The following STAG1 variants were observed in gnomAD, a reference collection of about 807,000 sequenced individuals.
STAG1 encodes STAG1 cohesin complex component, also known as cohesin subunit SA-1.
Under a neutral mutation model 170.9 loss-of-function variants are expected in STAG1, and 26 were observed. The observed-to-expected ratio is 0.15, with a 90% CI of 0.11 to 0.21. The LOEUF is 0.21. STAG1 is among the 10% of genes least tolerant of loss of function. The probability of loss-of-function intolerance (pLI) is 1.00; values close to 1 mark genes in which losing one functional copy is unlikely to be tolerated. For missense variants in STAG1, 964 were observed against 1,509.5 expected, an observed-to-expected ratio of 0.64 and a Z score of 5.99; for synonymous variants, 514 against 497.7, an observed-to-expected ratio of 1.03 and a Z score of -0.44.
chr3:136,381,346 A>G (rs1398321901), intron 22 of STAG1, among the ~76,000 whole-genome samples: 1 of 152,238 alleles, frequency 6.6e-6, no homozygotes, highest in Non-Finnish European at 1.5e-5. Flanking sequence ...AAGAAATCTA[A>G]GAAATTATTT....
chr3:136,491,239 T>C (rs1360695719), intron 9 of STAG1, among the ~76,000 whole-genome samples: 1 of 152,140 alleles, frequency 6.6e-6, no homozygotes, highest in Non-Finnish European at 1.5e-5. Context: ...CATCTCATCC[T>C]CCTGTGTAGC....
intron 6 of STAG1, among the ~76,000 whole-genome samples, chr3:136,528,653 C>A (rs754789381): frequency 4.0e-4 from 61 of 151,968 alleles, no homozygotes; most frequent in Non-Finnish European, 7.1e-4. Flanking sequence ...AAATAGATAT[C>A]ATTAAAAGGA....
At chr3:136,524,860 T>C (rs1485847169) in intron 6 of STAG1, among the ~76,000 whole-genome samples, 1 of 152,148 alleles carries the variant, frequency 6.6e-6, no homozygotes, top group East Asian at 1.9e-4. Context: ...AATCATGTGG[T>C]TTTTGTCTTT....
In STAG1 at chr3:136,422,440, G is replaced by C. The variant is rs2087986554; in HGVS notation, c.2007C>G (p.Phe669Leu). The C allele has an allele frequency of 6.2e-7, 1 of 1,613,970 alleles. No individual in the cohort carries two copies. The highest frequency in any genetic ancestry group is 8.5e-7 in the Non-Finnish European group (1 of 1,179,968). ...GCAATAGGTCTTCCACAGAATGATT[G>C]AATCGATCTACAAACTCATCAATCA... The part of the protein sequence containing the change: ...SQLIDEFVDR[F>L]NHSVEDLLQE... The change falls in exon 19 of 34, where the codon TTC (phenylalanine) becomes TTG (leucine). Residue 669 changes from phenylalanine (F) to leucine (L), a missense_variant. Coordinates refer to ENST00000383202, the MANE Select transcript of STAG1 (RefSeq NM_005862.3).
At chr3:136,709,493 G>C (rs1331276550) in intron 1 of STAG1, among the ~76,000 whole-genome samples, 1 of 151,954 alleles carries the variant, frequency 6.6e-6, no homozygotes, top group Admixed American at 6.6e-5. Flanking sequence ...ACAGCAATTT[G>C]GGAGGTCGAG....
chr3:136,642,958 CA>C (rs1940859618), intron 1 of STAG1, among the ~76,000 whole-genome samples: 1 of 152,166 alleles, frequency 6.6e-6, no homozygotes, highest in African/African-American at 2.4e-5. Context: ...GCCTCTGTGT[CA>C]TCACACTGTA....
At chr3:136,394,938 C>CAAAAAAAA (rs778204800) in intron 22 of STAG1, among the ~76,000 whole-genome samples, 3 of 59,318 alleles carry the variant, frequency 5.1e-5, no homozygotes, top group Non-Finnish European at 7.4e-5. Flanking sequence ...GACTCTGTCT[C>CAAAAAAAA]AAAAAAAAAA....
intron 1 of STAG1, among the ~76,000 whole-genome samples, chr3:136,657,813 T>A (rs1382308039): frequency 6.6e-6 from 1 of 152,036 alleles, no homozygotes; most frequent in Non-Finnish European, 1.5e-5. Context: ...CATAGCAAGT[T>A]GCTGTCTCAA....
In STAG1 at chr3:136,473,545, T is replaced by A. The variant is rs777566838; in HGVS notation, c.1119A>T (p.Arg373=). Residue 373 remains arginine, a synonymous_variant, in exon 11 of 34, where the codon CGA becomes CGT. Coordinates refer to ENST00000383202, the MANE Select transcript of STAG1 (RefSeq NM_005862.3). ...LFPKLELFTN[R]FKDRIVSMTL... ...TATCATTCTTGATGCTTACCTTGAA[T>A]CGGTTAGTGAATAGTTCCAATTTGG... 1.9e-6 allele frequency: 3 copies of A among 1,603,882 alleles called. No homozygotes were observed. Among genetic ancestry groups the A allele is most frequent in the South Asian group, 2.2e-5 (2 of 89,748 alleles).
rs146957488 is a variant in STAG1 at position 136,351,969 on chromosome 3, A to G, written c.3066-2606T>C. Reference sequence around the variant, plus strand: ...CCAAGACAAATGATAAAAACAAAGGAAAAAAGATCTGAGCAAAGACATCAG... The same window carrying G: ...CCAAGACAAATGATAAAAACAAAGGGAAAAAGATCTGAGCAAAGACATCAG... On this transcript the variant is annotated intron_variant, in intron 28 of 33. Transcript: ENST00000383202. 3.3e-5 allele frequency among the ~76,000 whole-genome samples: 5 copies of G among 152,280 alleles called. No individual in the cohort carries two copies. In the East Asian group the frequency reaches 9.7e-4, roughly 29 times the overall value.
intron 1 of STAG1, among the ~76,000 whole-genome samples, chr3:136,746,599 C>T (rs1447796935): frequency 6.6e-6 from 1 of 152,192 alleles, no homozygotes; most frequent in African/African-American, 2.4e-5. Flanking sequence ...CATGACTAAA[C>T]TTCTGCTGCC....
At chr3:136,368,588 CACT>C (rs1185547495) in intron 24 of STAG1, among the ~76,000 whole-genome samples, 1 of 152,088 alleles carries the variant, frequency 6.6e-6, no homozygotes, top group Non-Finnish European at 1.5e-5. Flanking sequence ...GACAAATGTA[CACT>C]ACTATTCATT....
At chr3:136,632,858 G>T (rs780878743) in intron 1 of STAG1, among the ~76,000 whole-genome samples, 2 of 151,986 alleles carry the variant, frequency 1.3e-5, no homozygotes, top group Non-Finnish European at 2.9e-5. Context: ...AAATACTTCC[G>T]CAAAGAACCT....
At chr3:136,733,490 A>AT (rs1185908181) in intron 1 of STAG1, among the ~76,000 whole-genome samples, 1 of 152,104 alleles carries the variant, frequency 6.6e-6, no homozygotes, top group Non-Finnish European at 1.5e-5. Flanking sequence ...TTTTATTATT[A>AT]TTCCCATTTT....
chr3:136,518,175 T>C (rs1934480716), intron 7 of STAG1: 1 of 402,770 alleles, frequency 2.5e-6, no homozygotes, highest in Admixed American at 4.3e-5. Flanking sequence ...TTAAAAATAC[T>C]ACTGATAAGA....
chr3:136,675,440 G>T (rs1472615642), intron 1 of STAG1, among the ~76,000 whole-genome samples: 1 of 152,238 alleles, frequency 6.6e-6, no homozygotes, highest in Admixed American at 6.5e-5. Flanking sequence ...TATTATGAAG[G>T]AAAAATAAAG....
At chr3:136,537,460 T>C (rs1325438734) in intron 6 of STAG1, among the ~76,000 whole-genome samples, 1 of 151,888 alleles carries the variant, frequency 6.6e-6, no homozygotes, top group Non-Finnish European at 1.5e-5. Context: ...ACCACTTCAA[T>C]GACTTTAAGC....
chr3:136,575,302 G>A (rs1937412954), intron 4 of STAG1, among the ~76,000 whole-genome samples: 1 of 152,142 alleles, frequency 6.6e-6, no homozygotes, highest in African/African-American at 2.4e-5. Context: ...ACGGCTCATT[G>A]TAGCCTAAAT....
intron 4 of STAG1, among the ~76,000 whole-genome samples, chr3:136,569,090 C>G (rs1265117927): frequency 6.6e-6 from 1 of 151,962 alleles, no homozygotes; most frequent in Non-Finnish European, 1.5e-5. Flanking sequence ...GAATCCAAAA[C>G]AAATCGGACC....
Sources: gnomAD v4.1 joint callset for allele counts (sites outside exome capture counted in the v4.1 genomes callset) on GRCh38, gnomAD v4.1.1 for gene constraint, MANE v1.5 for transcripts, NCBI Gene and HGNC (gene_info 2026-07-23, HGNC 2026-07-21) for gene names.